The following SYNPO2 variants were observed in gnomAD, a reference collection of about 807,000 sequenced individuals.
SYNPO2 encodes the protein synaptopodin-2.
SYNPO2 carries 56 observed loss-of-function variants against 85.0 expected under a neutral mutation model. That is an observed-to-expected ratio of 0.66 (90% CI 0.53 to 0.82). The LOEUF is 0.82. Among genes scored for constraint, SYNPO2 ranks in the 40% least tolerant of loss-of-function variants. The probability of loss-of-function intolerance (pLI) is 0.00; values close to 1 mark genes in which losing one functional copy is unlikely to be tolerated. For missense variants in SYNPO2, 1,575 were observed against 1,534.2 expected, an observed-to-expected ratio of 1.03 and a Z score of -0.44; for synonymous variants, 602 against 591.1, an observed-to-expected ratio of 1.02 and a Z score of -0.27.
intron 1 of SYNPO2, 37 bp from the exon 2 acceptor site, chr4:119,023,393 A>ATCAT (rs753674746): frequency 5.4e-5 from 84 of 1,564,022 alleles, no homozygotes; most frequent in East Asian, 3.2e-4. Flanking sequence ...TACAAATTAT[A>ATCAT]TCATTCTACT....
intron 1 of SYNPO2, among the ~76,000 whole-genome samples, chr4:118,878,768 A>G (rs189022765): frequency 6.6e-6 from 1 of 152,320 alleles, no homozygotes; most frequent in African/African-American, 2.4e-5. Flanking sequence ...AAATGAACCA[A>G]TCAGCACTCT....
At chr4:118,993,139 C>G (rs904799138) in intron 1 of SYNPO2, among the ~76,000 whole-genome samples, 43 of 151,938 alleles carry the variant, frequency 2.8e-4, no homozygotes, top group Admixed American at 6.6e-5. Context: ...CTTACATTGT[C>G]AATTAAATTT....
intron 1 of SYNPO2, among the ~76,000 whole-genome samples, chr4:118,871,055 A>G (rs1289059956): frequency 6.6e-6 from 1 of 152,184 alleles, no homozygotes; most frequent in Non-Finnish European, 1.5e-5. Flanking sequence ...CTTGGCTCTC[A>G]TACCTACCTG....
chr4:118,907,075 G>A (rs927339049), intron 1 of SYNPO2, among the ~76,000 whole-genome samples: 1 of 151,912 alleles, frequency 6.6e-6, no homozygotes, highest in African/African-American at 2.4e-5. Context: ...TCAGCCTTCC[G>A]AAGTGCTGGA....
chr4:118,980,493 C>T (rs753989785), intron 1 of SYNPO2, among the ~76,000 whole-genome samples: 21 of 151,152 alleles, frequency 1.4e-4, no homozygotes, highest in African/African-American at 4.6e-4. Context: ...AGCCTTGTTA[C>T]TTCTTTCTTT....
intron 1 of SYNPO2, among the ~76,000 whole-genome samples, chr4:118,907,496 G>A (rs1162733685): frequency 6.6e-6 from 1 of 152,138 alleles, no homozygotes; most frequent in Non-Finnish European, 1.5e-5. Context: ...GTTTGACATT[G>A]TTCATCTATT....
At chr4:118,988,964 A>AAGC (rs1736316718) in intron 1 of SYNPO2, among the ~76,000 whole-genome samples, 1 of 152,218 alleles carries the variant, frequency 6.6e-6, no homozygotes, top group South Asian at 2.1e-4. Flanking sequence ...TATGGTGACC[A>AAGC]AGCAGGTCTT....
At chr4:119,051,192 T>TTTTTG (rs1739028397) in intron 4 of SYNPO2, among the ~76,000 whole-genome samples, 1 of 135,466 alleles carries the variant, frequency 7.4e-6, no homozygotes, top group African/African-American at 2.8e-5. Flanking sequence ...AGCAATTTTT[T>TTTTTG]TTTTTTTTTT....
chr4:118,877,827 C>G (rs946234259), intron 1 of SYNPO2, among the ~76,000 whole-genome samples: 1 of 152,180 alleles, frequency 6.6e-6, no homozygotes, highest in Non-Finnish European at 1.5e-5. Flanking sequence ...AACAGAATTA[C>G]CATTCAGCTC....
intron 1 of SYNPO2, among the ~76,000 whole-genome samples, chr4:118,891,353 G>A (rs936853104): frequency 1.3e-5 from 2 of 152,200 alleles, no homozygotes; most frequent in Non-Finnish European, 2.9e-5. Context: ...GCAAGAGAGA[G>A]AGAGAGACAG....
intron 1 of SYNPO2, among the ~76,000 whole-genome samples, chr4:118,972,370 G>T (rs9998915): frequency 2.6e-5 from 4 of 151,804 alleles, no homozygotes; most frequent in Non-Finnish European, 4.4e-5. Flanking sequence ...CTTCAGTCCA[G>T]GAGGTGGAAG....
intron 1 of SYNPO2, among the ~76,000 whole-genome samples, chr4:118,854,165 C>G (rs947646779): frequency 2.0e-5 from 3 of 152,070 alleles, no homozygotes; most frequent in Non-Finnish European, 1.5e-5. Context: ...GCTAATTACA[C>G]AAAAAACAAA....
chr4:118,973,619 G>A (rs12502164), intron 1 of SYNPO2, among the ~76,000 whole-genome samples: 64,081 of 151,974 alleles, frequency 0.42, 13,710 homozygotes, highest in South Asian at 0.52. Context: ...TAACCCATGC[G>A]TGTTGAGTTA....
chr4:118,898,923 T>C (rs1732634811), intron 1 of SYNPO2, among the ~76,000 whole-genome samples: 1 of 152,186 alleles, frequency 6.6e-6, no homozygotes, highest in Non-Finnish European at 1.5e-5. Context: ...CCACCCCATC[T>C]CCTGGCACCT....
Position 119,058,038 on chromosome 4 carries a change from G to C in SYNPO2, c.*104G>C. The C allele has an allele frequency of 1.5e-6, 2 of 1,300,852 alleles. No homozygotes were observed. Among genetic ancestry groups the C allele is most frequent in the Non-Finnish European group, 2.1e-6 (2 of 959,266 alleles). The allele number at this position is 1,300,852 out of a possible 1,614,324, so 80.6% of individuals were successfully genotyped here. A position where few individuals can be genotyped will look rare whatever the true frequency, so the allele number is the denominator to read the frequency against. On this transcript the variant is annotated 3_prime_UTR_variant, in exon 5 of 5. Coordinates refer to ENST00000307142, the MANE Select transcript of SYNPO2 (RefSeq NM_133477.3). ...TAGATTTAGATTCACTTTTGGTCTTGGCTTGTTCTCATAAGTCATTTATCT... is the reference window on the plus strand; with the variant it reads ...TAGATTTAGATTCACTTTTGGTCTTCGCTTGTTCTCATAAGTCATTTATCT...
chr4:118,962,733 A>G (rs1438150887), intron 1 of SYNPO2, among the ~76,000 whole-genome samples: 4 of 152,178 alleles, frequency 2.6e-5, no homozygotes, highest in Non-Finnish European at 4.4e-5. Flanking sequence ...ATCTGCCCCA[A>G]TCTGATCCAG....
At chr4:118,972,377 G>C (rs1296665065) in intron 1 of SYNPO2, among the ~76,000 whole-genome samples, 1 of 152,060 alleles carries the variant, frequency 6.6e-6, no homozygotes, top group African/African-American at 2.4e-5. Flanking sequence ...CCAGGAGGTG[G>C]AAGCTGCAGT....
At chr4:118,864,768 G>C (rs1192616355) in intron 1 of SYNPO2, among the ~76,000 whole-genome samples, 1 of 152,026 alleles carries the variant, frequency 6.6e-6, no homozygotes, top group Non-Finnish European at 1.5e-5. Flanking sequence ...AGCTAATCCT[G>C]CTCTTTTTCT....
At chr4:119,044,306 C>G (rs974344811) in intron 4 of SYNPO2, among the ~76,000 whole-genome samples, 1 of 152,256 alleles carries the variant, frequency 6.6e-6, no homozygotes, top group Admixed American at 6.5e-5. Flanking sequence ...TTTGAAAATC[C>G]CACATAGTTT....
Sources: gnomAD v4.1 joint callset for allele counts (sites outside exome capture counted in the v4.1 genomes callset) on GRCh38, gnomAD v4.1.1 for gene constraint, MANE v1.5 for transcripts, NCBI Gene and HGNC (gene_info 2026-07-23, HGNC 2026-07-21) for gene names.